SPAG16: variants seen among roughly 807,000 people sequenced by gnomAD.
The protein encoded by SPAG16 is sperm-associated antigen 16 protein.
In SPAG16, 86 loss-of-function variants were observed where a neutral mutation model predicts 80.4. That is an observed-to-expected ratio of 1.07 (90% CI 0.90 to 1.28). The LOEUF is 1.28. Among genes scored for constraint, SPAG16 ranks in the 50% most tolerant of loss-of-function variants. The pLI, the probability that SPAG16 is intolerant of heterozygous loss-of-function variation, is 0.00. For missense variants in SPAG16, 870 were observed against 765.3 expected, an observed-to-expected ratio of 1.14 and a Z score of -1.61; for synonymous variants, 294 against 265.9, an observed-to-expected ratio of 1.11 and a Z score of -1.03.
intron 10 of SPAG16, among the ~76,000 whole-genome samples, chr2:213,773,697 G>A (rs2662681): frequency 0.057 from 8,607 of 152,120 alleles, 816 homozygotes; most frequent in African/African-American, 0.19. Flanking sequence ...GGGATTACAG[G>A]CACCTGCCAC....
intron 15 of SPAG16, among the ~76,000 whole-genome samples, chr2:214,205,969 C>A (rs1302742034): frequency 1.3e-5 from 2 of 151,900 alleles, no homozygotes; most frequent in Non-Finnish European, 2.9e-5. Flanking sequence ...CCGAGGTGGG[C>A]AGATTACGAG....
chr2:214,177,235 G>A (rs1044118976), intron 15 of SPAG16, among the ~76,000 whole-genome samples: 1 of 151,026 alleles, frequency 6.6e-6, no homozygotes, highest in East Asian at 1.9e-4. Context: ...CATTGCCTAA[G>A]CTCAAAGTCC....
At chr2:214,079,070 TC>T (rs764737425) in intron 13 of SPAG16, among the ~76,000 whole-genome samples, 46 of 152,274 alleles carry the variant, frequency 3.0e-4, no homozygotes, top group Non-Finnish European at 4.6e-4. Flanking sequence ...TCTCTGCCCT[TC>T]CATTGCTTGT....
At position 213,600,703 on chromosome 2, in the gene SPAG16, T is replaced by TA. The variant is rs200323302; in HGVS notation, c.1070+110614dup. The stretch of plus-strand genomic sequence containing the variant: ...GTCTGGAGAGAAATTTGGCCGTACT[T>TA]AGTGACATTAAGCATGCATATTCCT... On this transcript the variant is annotated intron_variant, in intron 10 of 15. Coordinates refer to ENST00000331683, the MANE Select transcript of SPAG16 (RefSeq NM_024532.5). Among the ~76,000 whole-genome samples, 64 of 152,316 alleles carry TA rather than the reference T, an allele frequency of 4.2e-4. No individual in the cohort carries two copies. In the East Asian group the frequency reaches 0.011, roughly 27 times the overall value.
At chr2:213,975,636 C>A (rs558426087) in intron 12 of SPAG16, among the ~76,000 whole-genome samples, 1 of 151,284 alleles carries the variant, frequency 6.6e-6, no homozygotes, top group African/African-American at 2.4e-5. Flanking sequence ...AGAAAATTCA[C>A]CTGTTAATAC....
intron 10 of SPAG16, among the ~76,000 whole-genome samples, chr2:213,514,948 A>C (rs1423865377): frequency 6.6e-6 from 1 of 152,076 alleles, no homozygotes; most frequent in Non-Finnish European, 1.5e-5. Context: ...AGTTGTCTTA[A>C]TGTGATGAAT....
intron 13 of SPAG16, among the ~76,000 whole-genome samples, chr2:214,015,619 G>T (rs370613543): frequency 1.4e-4 from 21 of 148,376 alleles, no homozygotes; most frequent in African/African-American, 5.2e-4. Context: ...AAAAATCAAA[G>T]AAAGAAAGGG....
chr2:213,305,505 C>T (rs760237048), intron 3 of SPAG16, among the ~76,000 whole-genome samples: 45 of 152,088 alleles, frequency 3.0e-4, no homozygotes, highest in East Asian at 1.4e-3. Context: ...TCATATATGG[C>T]GTTTACTGTG....
intron 10 of SPAG16, among the ~76,000 whole-genome samples, chr2:213,596,903 T>C (rs1053771588): frequency 6.6e-6 from 1 of 152,076 alleles, no homozygotes; most frequent in Non-Finnish European, 1.5e-5. Context: ...GGAGAAAATA[T>C]AGGGTCAGTT....
intron 15 of SPAG16, among the ~76,000 whole-genome samples, chr2:214,205,436 G>T (rs1204558804): frequency 3.3e-5 from 5 of 152,024 alleles, no homozygotes; most frequent in African/African-American, 4.8e-5. Context: ...ATAAGATCCT[G>T]AAAAACATAA....
intron 5 of SPAG16, among the ~76,000 whole-genome samples, chr2:213,327,126 T>G (rs1031814568): frequency 1.1e-4 from 16 of 150,374 alleles, no homozygotes; most frequent in African/African-American, 3.9e-4. Context: ...GAGTAACTCT[T>G]AACAGCGTTG....
intron 15 of SPAG16, among the ~76,000 whole-genome samples, chr2:214,161,935 G>A (rs1201026254): frequency 6.6e-6 from 1 of 152,096 alleles, no homozygotes; most frequent in African/African-American, 2.4e-5. Flanking sequence ...AGGGATTGCT[G>A]AAGAATATCA....
At chr2:213,978,318 T>G (rs1430782406) in intron 12 of SPAG16, among the ~76,000 whole-genome samples, 3 of 152,128 alleles carry the variant, frequency 2.0e-5, no homozygotes, top group Non-Finnish European at 4.4e-5. Context: ...GTAACAGGTT[T>G]GTTGGACATT....
chr2:213,899,033 A>G (rs1269134425), intron 11 of SPAG16, among the ~76,000 whole-genome samples: 15 of 152,150 alleles, frequency 9.9e-5, no homozygotes, highest in Admixed American at 9.8e-4. Flanking sequence ...GTGAAAATAC[A>G]TATGATCATA....
At chr2:213,604,921 TTTA>T (rs1201410998) in intron 10 of SPAG16, among the ~76,000 whole-genome samples, 1 of 148,832 alleles carries the variant, frequency 6.7e-6, no homozygotes, top group African/African-American at 2.4e-5. Context: ...AAATATTTAT[TTTA>T]TTTATATTAT....
chr2:213,596,118 A>G (rs918162293), intron 10 of SPAG16, among the ~76,000 whole-genome samples: 1 of 152,130 alleles, frequency 6.6e-6, no homozygotes, highest in Non-Finnish European at 1.5e-5. Flanking sequence ...CTGATAGCAT[A>G]TCACATACAT....
intron 11 of SPAG16, among the ~76,000 whole-genome samples, chr2:213,887,749 T>C (rs1220428535): frequency 6.6e-6 from 1 of 151,680 alleles, no homozygotes; most frequent in African/African-American, 2.4e-5. Context: ...CTACATCTAT[T>C]TCCAGCTGCC....
chr2:214,349,953 C>T (rs1698291877), intron 15 of SPAG16, among the ~76,000 whole-genome samples: 1 of 152,142 alleles, frequency 6.6e-6, no homozygotes, highest in Non-Finnish European at 1.5e-5. Context: ...CAGAACCATT[C>T]CTTTCTCAGA....
At chr2:213,378,482 T>C (rs1370302412) in intron 9 of SPAG16, among the ~76,000 whole-genome samples, 3 of 152,138 alleles carry the variant, frequency 2.0e-5, no homozygotes, top group Non-Finnish European at 4.4e-5. Context: ...CCAACTCAAA[T>C]ACTATTACAT....
Sources: gnomAD v4.1 joint callset for allele counts (sites outside exome capture counted in the v4.1 genomes callset) on GRCh38, gnomAD v4.1.1 for gene constraint, MANE v1.5 for transcripts, NCBI Gene and HGNC (gene_info 2026-07-23, HGNC 2026-07-21) for gene names.